The following REC114 variants were observed in gnomAD, a reference collection of about 807,000 sequenced individuals.
The protein encoded by REC114 is meiotic recombination protein REC114.
REC114 carries 27 observed loss-of-function variants against 31.3 expected under a neutral mutation model. That is an observed-to-expected ratio of 0.86 (90% CI 0.64 to 1.19). The LOEUF is 1.19. Ranked by LOEUF, REC114 falls within the 50% of genes most tolerant of loss-of-function variation. The pLI, the probability that REC114 is intolerant of heterozygous loss-of-function variation, is 0.00. For synonymous variants in REC114, 134 were observed against 127.7 expected (o/e 1.05, Z -0.33); for missense variants, 344 against 326.9 (o/e 1.05, Z -0.40).
intron 1 of REC114, among the ~76,000 whole-genome samples, chr15:73,451,859 A>G (rs1365161102): frequency 6.6e-6 from 1 of 152,226 alleles, no homozygotes; most frequent in Non-Finnish European, 1.5e-5. Flanking sequence ...AATCCATCAC[A>G]TAAACAGAAC....
At chr15:73,529,142 T>C (rs537562661) in intron 2 of REC114, among the ~76,000 whole-genome samples, 4 of 151,226 alleles carry the variant, frequency 2.6e-5, no homozygotes, top group Non-Finnish European at 4.4e-5. Context: ...TTATTTATTT[T>C]ATTTTTTTTT....
chr15:73,550,937 G>A lies in REC114; in HGVS notation c.334-1G>A, dbSNP rs780169159. ...ATGATAACTTTTGATTTGTCAAACA[G>A]GACAAGAGTCGCCTGTTTCGAGTAC... On this transcript the variant is annotated splice_acceptor_variant, in intron 3 of 5. Transcript: ENST00000331090. LOFTEE classifies it high-confidence loss of function. The A allele has an allele frequency of 8.1e-6, 13 of 1,613,640 alleles. No homozygotes were observed. The highest frequency in any genetic ancestry group is 1.1e-5 in the Non-Finnish European group (13 of 1,179,776).
chr15:73,462,171 C>T (rs1892998833), intron 1 of REC114, among the ~76,000 whole-genome samples: 1 of 151,834 alleles, frequency 6.6e-6, no homozygotes, highest in Admixed American at 6.6e-5. Flanking sequence ...ACCTTGTGAT[C>T]CACCCACCTC....
chr15:73,461,735 T>C (rs1892989470), intron 1 of REC114, among the ~76,000 whole-genome samples: 1 of 152,098 alleles, frequency 6.6e-6, no homozygotes, highest in Non-Finnish European at 1.5e-5. Context: ...TGTGCTGCTG[T>C]GTTGATGGCA....
At chr15:73,486,585 C>T (rs1595867494) in intron 2 of REC114, among the ~76,000 whole-genome samples, 3 of 152,296 alleles carry the variant, frequency 2.0e-5, no homozygotes. Flanking sequence ...ATTTTATAAG[C>T]AATGCAAATT....
chr15:73,460,959 G>A (rs1196169199), intron 1 of REC114, among the ~76,000 whole-genome samples: 1 of 152,122 alleles, frequency 6.6e-6, no homozygotes, highest in Non-Finnish European at 1.5e-5. Flanking sequence ...GTTAATTCTA[G>A]TAATTGGGTT....
chr15:73,475,917 A>G (rs1437009184), intron 2 of REC114, among the ~76,000 whole-genome samples: 2 of 152,182 alleles, frequency 1.3e-5, no homozygotes, highest in Non-Finnish European at 2.9e-5. Flanking sequence ...ATACAGGTGT[A>G]ATGTTTACTG....
chr15:73,517,282 C>CA (rs1893870740), intron 2 of REC114, among the ~76,000 whole-genome samples: 1 of 152,018 alleles, frequency 6.6e-6, no homozygotes, highest in Non-Finnish European at 1.5e-5. Flanking sequence ...GTGACAGAGT[C>CA]AGTTACGTTT....
chr15:73,551,069 G>C lies in REC114; in HGVS notation c.465G>C (p.Glu155Asp). 1 of 1,613,768 alleles carries C rather than the reference G, an allele frequency of 6.2e-7. No individual in the cohort carries two copies. The highest frequency in any genetic ancestry group is 1.1e-5 in the South Asian group (1 of 91,056). ...AGGTGCCTGATGGAAACATCCAGGA[G>C]CTTCAGCTGATTCCTGGCCCACCCA... is the stretch of plus-strand genomic sequence containing the variant. ...TVQVPDGNIQ[E>D]LQLIPGPPRA... Residue 155 changes from glutamate (E) to aspartate (D), a missense_variant, in exon 4 of 6, where the codon GAG becomes GAC. Coordinates refer to ENST00000331090, the MANE Select transcript of REC114 (RefSeq NM_001042367.2).
chr15:73,450,603 A>G (rs1032002090), intron 1 of REC114, among the ~76,000 whole-genome samples: 5 of 152,236 alleles, frequency 3.3e-5, no homozygotes, highest in Non-Finnish European at 7.3e-5. Context: ...AAGGATATCC[A>G]GGACTTGAAC....
chr15:73,523,706 A>C (rs1181706178), intron 2 of REC114, among the ~76,000 whole-genome samples: 3 of 152,134 alleles, frequency 2.0e-5, no homozygotes, highest in Non-Finnish European at 2.9e-5. Context: ...AATTTTATGA[A>C]GTCTGATTTA....
At chr15:73,508,973 C>T (rs1165051364) in intron 2 of REC114, among the ~76,000 whole-genome samples, 1 of 150,120 alleles carries the variant, frequency 6.7e-6, no homozygotes, top group Non-Finnish European at 1.5e-5. Context: ...AATGGGATGG[C>T]TGGGTCAAAT....
intron 2 of REC114, among the ~76,000 whole-genome samples, chr15:73,499,312 A>C (rs2141307128): frequency 6.6e-6 from 1 of 152,186 alleles, no homozygotes; most frequent in African/African-American, 2.4e-5. Flanking sequence ...AATATTTTTC[A>C]TTCCTGCAAG....
rs988129827 is a variant in REC114, at chr15:73,484,367, T to G, written c.249+10446T>G. On this transcript the variant is annotated intron_variant, in intron 2 of 5. Transcript: ENST00000331090. The stretch of plus-strand genomic sequence containing the variant: ...TTGCTTCTGCCACCTGCTTCTTTGT[T>G]GCCTGCTCAATCCTCCTCGGCTTCT... Among the ~76,000 whole-genome samples, 8 of 152,252 alleles carry G rather than the reference T, an allele frequency of 5.3e-5. No individual in the cohort carries two copies. The East Asian group carries it at 1.2e-3, about 22-fold the overall frequency.
intron 2 of REC114, among the ~76,000 whole-genome samples, chr15:73,533,424 T>A (rs1894112084): frequency 2.3e-5 from 3 of 131,884 alleles, no homozygotes; most frequent in Non-Finnish European, 1.6e-5. Context: ...CCAACAAAGA[T>A]CAAAAGAGAC....
intron 2 of REC114, among the ~76,000 whole-genome samples, chr15:73,534,175 A>C (rs1894123820): frequency 6.6e-6 from 1 of 151,752 alleles, no homozygotes; most frequent in Admixed American, 6.6e-5. Context: ...GAAGGCAAGA[A>C]ATAACTAAAA....
intron 1 of REC114, among the ~76,000 whole-genome samples, chr15:73,471,357 G>C (rs1893129939): frequency 6.6e-6 from 1 of 151,934 alleles, no homozygotes; most frequent in African/African-American, 2.4e-5. Flanking sequence ...CAAAGAAATG[G>C]AAGGAAAGAA....
intron 1 of REC114, among the ~76,000 whole-genome samples, chr15:73,451,547 G>A (rs969956096): frequency 6.6e-6 from 1 of 152,150 alleles, no homozygotes; most frequent in African/African-American, 2.4e-5. Context: ...AATTATACTA[G>A]AGGTACAAAG....
chr15:73,502,938 T>A (rs1350453644), intron 2 of REC114, among the ~76,000 whole-genome samples: 1 of 152,214 alleles, frequency 6.6e-6, no homozygotes, highest in Non-Finnish European at 1.5e-5. Flanking sequence ...TTGCATTGAT[T>A]AGCGAAATAC....
Sources: allele counts gnomAD v4.1 joint callset (sites outside exome capture counted in the v4.1 genomes callset), GRCh38; gene constraint gnomAD v4.1.1; transcripts MANE v1.5; gene names NCBI Gene and HGNC (gene_info 2026-07-23, HGNC 2026-07-21).